The following ALDH1A1 variants were observed in gnomAD, a reference collection of about 807,000 sequenced individuals.
ALDH1A1 encodes the protein aldehyde dehydrogenase 1 family member A1, also known as aldehyde dehydrogenase 1A1.
ALDH1A1 carries 19 observed loss-of-function variants against 62.1 expected under a neutral mutation model. The ratio of observed to expected loss-of-function variants is 0.31; its 90% CI spans 0.21 to 0.45. The LOEUF (loss-of-function observed/expected upper bound fraction) is 0.45. Ranked by LOEUF, ALDH1A1 falls within the 20% of genes least tolerant of loss-of-function variation. The pLI is 1.00. For missense variants in ALDH1A1, 521 were observed against 607.1 expected (o/e 0.86, Z 1.49); for synonymous variants, 231 against 215.9 (o/e 1.07, Z -0.61).
chr9:72,932,136 T>C (rs1045333630), intron 2 of ALDH1A1, among the ~76,000 whole-genome samples: 1 of 152,216 alleles, frequency 6.6e-6, no homozygotes, highest in Non-Finnish European at 1.5e-5. Flanking sequence ...TGTTCTTTTG[T>C]ACATAGAACT....
intron 1 of ALDH1A1, among the ~76,000 whole-genome samples, chr9:72,950,932 A>G (rs1830537162): frequency 6.6e-6 from 1 of 151,844 alleles, no homozygotes; most frequent in Admixed American, 6.6e-5. Context: ...TAAACAAAAA[A>G]TGCGAAGGCA....
chr9:72,931,822 A>C (rs1195364176), intron 2 of ALDH1A1, among the ~76,000 whole-genome samples: 1 of 152,216 alleles, frequency 6.6e-6, no homozygotes, highest in African/African-American at 2.4e-5. Flanking sequence ...TAAAGAAGTC[A>C]GTTTCTTATT....
intron 9 of ALDH1A1, among the ~76,000 whole-genome samples, chr9:72,915,261 G>T (rs1830047236): frequency 6.6e-6 from 1 of 152,028 alleles, no homozygotes. Context: ...AATCAATGAG[G>T]TATTCCAGCT....
intron 6 of ALDH1A1, 45 bp from the exon 7 acceptor site, chr9:72,924,177 C>G: frequency 2.1e-6 from 3 of 1,396,742 alleles, no homozygotes; most frequent in Non-Finnish European, 3.0e-6. Flanking sequence ...GAATTTAATT[C>G]AAAAAGGAGG....
intron 10 of ALDH1A1, among the ~76,000 whole-genome samples, chr9:72,910,855 T>C (rs1174979703): frequency 6.6e-6 from 1 of 152,166 alleles, no homozygotes; most frequent in Non-Finnish European, 1.5e-5. Flanking sequence ...AGGAACCATA[T>C]ACACAGCAGC....
At chr9:72,905,481 A>C (rs1356017084) in intron 12 of ALDH1A1, among the ~76,000 whole-genome samples, 2 of 152,136 alleles carry the variant, frequency 1.3e-5, no homozygotes, top group Non-Finnish European at 2.9e-5. Flanking sequence ...AGTCTACATC[A>C]ATAATATCTC....
chr9:72,940,289 A>T, intron 1 of ALDH1A1, 37 bp from the exon 2 acceptor site: 1 of 1,495,466 alleles, frequency 6.7e-7, no homozygotes, highest in Non-Finnish European at 9.3e-7. Flanking sequence ...CAAGGCGCTT[A>T]AATATGCAGA....
intron 5 of ALDH1A1, among the ~76,000 whole-genome samples, chr9:72,926,126 GTTACGT>G (rs768557651): frequency 6.6e-6 from 1 of 152,156 alleles, no homozygotes; most frequent in Non-Finnish European, 1.5e-5. Flanking sequence ...ACTCACACAG[GTTACGT>G]GCTCTCTGTA....
chr9:72,914,300 T>C (rs762970853), intron 9 of ALDH1A1, among the ~76,000 whole-genome samples: 35 of 152,340 alleles, frequency 2.3e-4, no homozygotes, highest in Admixed American at 6.5e-5. Context: ...TGTATGATAA[T>C]TGTCACCATG....
chr9:72,938,070 C>T (rs1830367076), intron 2 of ALDH1A1, among the ~76,000 whole-genome samples: 1 of 151,970 alleles, frequency 6.6e-6, no homozygotes, highest in South Asian at 2.1e-4. Context: ...TCTGCATGGC[C>T]CAGTACGTTG....
chr9:72,944,032 G>A (rs1355769430), intron 1 of ALDH1A1, among the ~76,000 whole-genome samples: 1 of 152,098 alleles, frequency 6.6e-6, no homozygotes, highest in Non-Finnish European at 1.5e-5. Context: ...GAATGGAGTT[G>A]CAGTGGACAT....
At chr9:72,902,466 A>T (rs1321476561) in intron 12 of ALDH1A1, among the ~76,000 whole-genome samples, 1 of 151,980 alleles carries the variant, frequency 6.6e-6, no homozygotes, top group Non-Finnish European at 1.5e-5. Context: ...TTGGGCAATT[A>T]AGCTTTTGAA....
At chr9:72,929,791 C>G (rs1830257053) in intron 3 of ALDH1A1, among the ~76,000 whole-genome samples, 1 of 152,164 alleles carries the variant, frequency 6.6e-6, no homozygotes, top group Admixed American at 6.5e-5. Context: ...TCTATCATGT[C>G]AAAATTTAAC....
chr9:72,923,176 C>CT (rs1261357481), intron 7 of ALDH1A1, among the ~76,000 whole-genome samples: 1 of 152,020 alleles, frequency 6.6e-6, no homozygotes, highest in Non-Finnish European at 1.5e-5. Flanking sequence ...TCTTGTGAAC[C>CT]TTTTTTACAG....
At chr9:72,926,858 G>A (rs1830218435) in intron 5 of ALDH1A1, 2 of 326,378 alleles carry the variant, frequency 6.1e-6, no homozygotes, top group Non-Finnish European at 1.1e-5. Flanking sequence ...ACAACCCATA[G>A]AGTAAAGGGT....
intron 2 of ALDH1A1, among the ~76,000 whole-genome samples, chr9:72,931,762 T>C (rs942322717): frequency 6.6e-6 from 1 of 152,186 alleles, no homozygotes; most frequent in African/African-American, 2.4e-5. Context: ...TGTGACAACC[T>C]CTCATTTCCC....
chr9:72,923,898 A>G, intron 7 of ALDH1A1, 121 bp downstream of exon 7: 1 of 625,608 alleles, frequency 1.6e-6, no homozygotes, highest in South Asian at 2.3e-5. Context: ...TAAAATAAGT[A>G]ACAAATCATT....
chr9:72,910,331 C>T (rs766018572), intron 10 of ALDH1A1, among the ~76,000 whole-genome samples: 1 of 152,070 alleles, frequency 6.6e-6, no homozygotes, highest in Non-Finnish European at 1.5e-5. Flanking sequence ...AGGTAAACAT[C>T]ACGAACTTTT....
At chr9:72,948,385 G>A (rs976075424) in intron 1 of ALDH1A1, among the ~76,000 whole-genome samples, 13 of 151,256 alleles carry the variant, frequency 8.6e-5, no homozygotes, top group Admixed American at 5.9e-4. Context: ...CTCAAAATCC[G>A]CCAGCCGATC....
Sources: allele counts gnomAD v4.1 joint callset (sites outside exome capture counted in the v4.1 genomes callset), GRCh38; gene constraint gnomAD v4.1.1; transcripts MANE v1.5; gene names NCBI Gene and HGNC (gene_info 2026-07-23, HGNC 2026-07-21).